The following CDH23 variants were observed in gnomAD, a reference collection of about 807,000 sequenced individuals.
CDH23 encodes the protein cadherin related 23.
A neutral mutation model predicts 317.1 loss-of-function variants in CDH23; 189 were observed. That is an observed-to-expected ratio of 0.60 (90% CI 0.53 to 0.67). CDH23 has a LOEUF of 0.67. Among genes scored for constraint, CDH23 ranks in the 30% least tolerant of loss-of-function variants. The pLI, the probability that CDH23 is intolerant of heterozygous loss-of-function variation, is 0.00. For synonymous variants in CDH23, 1,839 were observed against 1,876.8 expected, an observed-to-expected ratio of 0.98 and a Z score of 0.52; for missense variants, 4,401 against 4,592.4, an observed-to-expected ratio of 0.96 and a Z score of 1.20.
In CDH23 at chr10:71,788,206, C is replaced by T. The variant is rs188956757; in HGVS notation, c.5821-734C>T. 7.2e-5 allele frequency among the ~76,000 whole-genome samples: 11 copies of T among 152,218 alleles called. No individual in the cohort carries two copies. In the East Asian group the frequency reaches 2.1e-3, roughly 29 times the overall value. On this transcript the variant is annotated intron_variant, in intron 44 of 69. Transcript: ENST00000224721. Reference sequence around the variant, plus strand: ...GGGATTACAGGTGTAAGCCATCATGCCCAGCTAATTTTTTTGTATTTTAAG... The same window carrying T: ...GGGATTACAGGTGTAAGCCATCATGTCCAGCTAATTTTTTTGTATTTTAAG...
intron 41 of CDH23, among the ~76,000 whole-genome samples, chr10:71,779,732 C>G (rs1464671337): frequency 6.6e-6 from 1 of 152,238 alleles, no homozygotes; most frequent in Non-Finnish European, 1.5e-5. Flanking sequence ...GTTGCATACC[C>G]AGAGGAAGGG....
At chr10:71,725,255 C>A (rs559393485) in intron 29 of CDH23, 117 bp from the exon 30 acceptor site, 1 of 1,517,718 alleles carries the variant, frequency 6.6e-7, no homozygotes, top group East Asian at 2.3e-5. Flanking sequence ...CCAGAAGACC[C>A]GCAGCCTCCT....
Position 71,796,159 on chromosome 10 carries a change from C to T in CDH23, c.6713-945C>T, listed in dbSNP as rs532735439. ...GATCTGCCAAGGGGGAAGGGAATCT[C>T]AGATACCCCTGTACCTGAGAGGGAG... On this transcript the variant is annotated intron_variant, in intron 48 of 69. Coordinates refer to ENST00000224721, the MANE Select transcript of CDH23 (RefSeq NM_022124.6). 1.5e-5 allele frequency: 14 copies of T among 912,784 alleles called. No homozygotes were observed. In the South Asian group the frequency reaches 6.5e-4, roughly 43 times the overall value. 56.5% of individuals were successfully genotyped at this position (912,784 alleles called of 1,614,324 possible). A position where few individuals can be genotyped will look rare whatever the true frequency, so the allele number is the denominator to read the frequency against.
At chr10:71,403,456 T>C (rs55750931) in intron 1 of CDH23, among the ~76,000 whole-genome samples, 869 of 19,410 alleles carry the variant, frequency 0.045, 14 homozygotes, top group East Asian at 0.097. Flanking sequence ...TTCCTTCCTT[T>C]CCTTCCTTCC....
chr10:71,574,518 C>G (rs1858042123), intron 8 of CDH23, among the ~76,000 whole-genome samples: 1 of 152,140 alleles, frequency 6.6e-6, no homozygotes, highest in African/African-American at 2.4e-5. Flanking sequence ...CCCCTTCAGC[C>G]CCCACCAGCC....
intron 6 of CDH23, among the ~76,000 whole-genome samples, chr10:71,517,461 C>T (rs892698408): frequency 1.1e-4 from 17 of 152,214 alleles, no homozygotes; most frequent in Non-Finnish European, 1.8e-4. Flanking sequence ...TAGCACCCAC[C>T]GCAGCCAGCA....
intron 8 of CDH23, among the ~76,000 whole-genome samples, chr10:71,571,366 C>T (rs887328253): frequency 6.6e-6 from 1 of 152,220 alleles, no homozygotes; most frequent in African/African-American, 2.4e-5. Flanking sequence ...CAAGGGTCCT[C>T]TTGGCCCCGG....
At chr10:71,559,708 A>G (rs1857032746) in intron 6 of CDH23, among the ~76,000 whole-genome samples, 2 of 152,260 alleles carry the variant, frequency 1.3e-5, no homozygotes, top group Admixed American at 6.5e-5. Context: ...GAGCCATGTC[A>G]GGGTGTGAGT....
chr10:71,576,455 A>G lies in CDH23; in HGVS notation c.754-1459A>G, dbSNP rs184288297. On this transcript the variant is annotated intron_variant, in intron 8 of 69. Coordinates refer to ENST00000224721, the MANE Select transcript of CDH23 (RefSeq NM_022124.6). Reference sequence around the variant, plus strand: ...GAGGAGGGGTAGCTTGCCCCACAAGAGCGCAGGGCATGCGTGTCAGGGAAC... The same window carrying G: ...GAGGAGGGGTAGCTTGCCCCACAAGGGCGCAGGGCATGCGTGTCAGGGAAC... Among the ~76,000 whole-genome samples the G allele has an allele frequency of 1.6e-3, 238 of 151,122 alleles. 1 individual carries two copies. The highest frequency in any genetic ancestry group is 5.6e-3 in the African/African-American group (229 of 40,984).
At chr10:71,563,196 C>T (rs945585656) in intron 6 of CDH23, among the ~76,000 whole-genome samples, 4 of 152,194 alleles carry the variant, frequency 2.6e-5, no homozygotes, top group African/African-American at 4.8e-5. Context: ...TGGAGCAAGG[C>T]ACATCCCCTC....
chr10:71,623,020 T>TA (rs1861541845), intron 11 of CDH23: 1 of 896,734 alleles, frequency 1.1e-6, no homozygotes, highest in East Asian at 1.2e-4. Context: ...CAACAAGTGT[T>TA]ATGTGCACCA....
chr10:71,706,630 C>A (rs1293928856), intron 25 of CDH23, among the ~76,000 whole-genome samples: 1 of 152,226 alleles, frequency 6.6e-6, no homozygotes, highest in Non-Finnish European at 1.5e-5. Flanking sequence ...GTTTTCTCTC[C>A]TCCCTTTGAC....
intron 6 of CDH23, among the ~76,000 whole-genome samples, chr10:71,534,202 T>A (rs1053812873): frequency 6.6e-6 from 1 of 151,992 alleles, no homozygotes; most frequent in Non-Finnish European, 1.5e-5. Flanking sequence ...CCACCCCCGA[T>A]CCATAAACTT....
chr10:71,698,932 A>ACT (rs1193435836), intron 22 of CDH23, among the ~76,000 whole-genome samples: 2 of 152,112 alleles, frequency 1.3e-5, no homozygotes, highest in African/African-American at 2.4e-5. Context: ...AAGTTGCTTA[A>ACT]CCTCTCTGTG....
chr10:71,485,023 C>CTTTTTTTTTTTTTTTTTTTT (rs56153129), intron 3 of CDH23, among the ~76,000 whole-genome samples: 2 of 110,150 alleles, frequency 1.8e-5, no homozygotes, highest in Non-Finnish European at 1.8e-5. Flanking sequence ...TTTCTTTTTT[C>CTTTTTTTTTTTTTTTTTTTT]TTTTTTTTTT....
intron 2 of CDH23, among the ~76,000 whole-genome samples, chr10:71,443,129 G>C (rs1849976994): frequency 6.6e-6 from 1 of 152,208 alleles, no homozygotes; most frequent in Non-Finnish European, 1.5e-5. Context: ...GATCTCAGCA[G>C]AGCCACTGCA....
Position 71,679,441 on chromosome 10 carries a change from G to A in CDH23, c.1807G>A (p.Ala603Thr), listed in dbSNP as rs1320754136. The A allele has an allele frequency of 6.2e-7, 1 of 1,613,606 alleles. No homozygotes were observed. Among genetic ancestry groups the A allele is most frequent in the East Asian group, 2.2e-5 (1 of 44,886 alleles). The change falls in exon 17 of 70, where the codon GCA becomes ACA. Residue 603 changes from alanine (A) to threonine (T), a missense_variant. This residue lies in a region of CDH23 where 3,068 missense variants were observed against 3,203.3 expected (regional missense o/e 0.96). Transcript: ENST00000224721. ...CCAGATCACCTACAGCATTGTCAGTGCATCTGCCTTTGGCAGCTACTTCGA... is the reference window on the plus strand; with the variant it reads ...CCAGATCACCTACAGCATTGTCAGTACATCTGCCTTTGGCAGCTACTTCGA... The part of the protein sequence containing the change: ...NNQITYSIVS[A>T]SAFGSYFDIS...
At chr10:71,684,798 A>G (rs1195999929) in intron 18 of CDH23, among the ~76,000 whole-genome samples, 1 of 152,098 alleles carries the variant, frequency 6.6e-6, no homozygotes, top group Non-Finnish European at 1.5e-5. Context: ...TGGATGCTGG[A>G]GAGGGTAAGA....
intron 30 of CDH23, among the ~76,000 whole-genome samples, chr10:71,725,792 A>ACC (rs1422182862): frequency 6.6e-6 from 1 of 152,112 alleles, no homozygotes; most frequent in Non-Finnish European, 1.5e-5. Context: ...TACTGTACTA[A>ACC]CCCCTGTATC....
Sources: allele counts gnomAD v4.1 joint callset (sites outside exome capture counted in the v4.1 genomes callset), GRCh38; gene constraint gnomAD v4.1.1; regional missense constraint gnomAD v4.1.1; transcripts MANE v1.5; gene names NCBI Gene and HGNC (gene_info 2026-07-23, HGNC 2026-07-21).